The following GAK variants were observed in gnomAD, a reference collection of about 807,000 sequenced individuals.
GAK encodes the protein cyclin G associated kinase.
Under a neutral mutation model 143.9 loss-of-function variants are expected in GAK, and 79 were observed. The ratio of observed to expected loss-of-function variants is 0.55; its 90% CI spans 0.46 to 0.66. The LOEUF (loss-of-function observed/expected upper bound fraction) is 0.66. GAK is among the 30% of genes least tolerant of loss of function. GAK has a pLI of 0.00. For missense variants in GAK, 1,693 were observed against 1,779.7 expected, an observed-to-expected ratio of 0.95 and a Z score of 0.88; for synonymous variants, 881 against 765.5, an observed-to-expected ratio of 1.15 and a Z score of -2.49.
Position 890,254 on chromosome 4 carries a change from C to A in GAK, c.1081+278G>T, listed in dbSNP as rs1030290212. 1.3e-4 allele frequency among the ~76,000 whole-genome samples: 20 copies of A among 152,332 alleles called. 4 individuals are homozygous for A. The highest frequency in any genetic ancestry group is 1.9e-4 in the East Asian group (1 of 5,174). On this transcript the variant is annotated intron_variant, in intron 10 of 27. Coordinates refer to ENST00000314167, the MANE Select transcript of GAK (RefSeq NM_005255.4). ...CCGCCTGGTCACTCGGGCCCGGTCTCCTGGGCCCTGCCCTGGAGCCTCTTC... is the reference window on the plus strand; with the variant it reads ...CCGCCTGGTCACTCGGGCCCGGTCTACTGGGCCCTGCCCTGGAGCCTCTTC...
At chr4:888,540 T>G in intron 11 of GAK, 11 of 338,564 alleles carry the variant, frequency 3.2e-5, no homozygotes, top group South Asian at 8.3e-5. Context: ...ATTTACAGAG[T>G]CCCGGGAACA....
chr4:884,235 G>A (rs559634117), intron 11 of GAK, 149 bp from the exon 12 acceptor site: 19 of 642,270 alleles, frequency 3.0e-5, no homozygotes, highest in Non-Finnish European at 4.7e-5. Flanking sequence ...GTGCACAGGC[G>A]TGTGGGCAGC....
intron 3 of GAK, chr4:912,008 C>T: frequency 2.0e-6 from 1 of 507,652 alleles, no homozygotes; most frequent in Non-Finnish European, 3.8e-6. Context: ...GGGACAAAGG[C>T]AGGCACACCG....
chr4:849,595 G>T lies in GAK; in HGVS notation c.*78C>A, dbSNP rs1366360383. ...GGCCACACCTGCTGTCGCCCACGGG[G>T]TCCTCACGGTGGGGACCCAGGTCCC... On this transcript the variant is annotated 3_prime_UTR_variant, in exon 28 of 28. Coordinates refer to ENST00000314167, the MANE Select transcript of GAK (RefSeq NM_005255.4). 6 of 1,153,012 alleles carry T rather than the reference G, an allele frequency of 5.2e-6. No homozygotes were observed. Among genetic ancestry groups the T allele is most frequent in the Non-Finnish European group, 6.4e-6 (5 of 782,430 alleles). The allele number at this position is 1,153,012 out of a possible 1,614,324, so 71.4% of individuals were successfully genotyped here.
At chr4:882,407 C>T (rs1458339032) in intron 14 of GAK, among the ~76,000 whole-genome samples, 2 of 152,148 alleles carry the variant, frequency 1.3e-5, no homozygotes, top group Non-Finnish European at 2.9e-5. Flanking sequence ...CTGGAAGTGA[C>T]TCTTAGGTGG....
chr4:926,203 G>A (rs889792550), intron 1 of GAK, among the ~76,000 whole-genome samples: 2 of 152,142 alleles, frequency 1.3e-5, no homozygotes, highest in Non-Finnish European at 2.9e-5. Context: ...CCACCCATGG[G>A]GTCCTCCCCA....
At chr4:909,495 T>C (rs1437763159) in intron 4 of GAK, among the ~76,000 whole-genome samples, 6 of 151,788 alleles carry the variant, frequency 4.0e-5, no homozygotes, top group Non-Finnish European at 5.9e-5. Context: ...CAGCACGGAC[T>C]GCATGGACGC....
rs779560986 is a variant in GAK at position 877,714 on chromosome 4, G to A, written c.1757C>T (p.Pro586Leu). 8.1e-6 allele frequency: 13 copies of A among 1,613,378 alleles called. No individual in the cohort carries two copies. The highest frequency in any genetic ancestry group is 2.2e-5 in the East Asian group (1 of 44,864). Reference protein sequence around the residue: ...LVRAVVMTPVPLFSKQRSGCR... With the variant: ...LVRAVVMTPVLLFSKQRSGCR... The stretch of plus-strand genomic sequence containing the variant: ...GCCGCTCCTCTGCTTGCTGAACAGC[G>A]GCACGGGTGTCATGACCACGGCCCT... The change falls in exon 16 of 28, where the codon CCG (proline) becomes CTG (leucine). Residue 586 changes from proline to leucine, a missense_variant. Coordinates refer to ENST00000314167, the MANE Select transcript of GAK (RefSeq NM_005255.4).
At chr4:893,244 C>A (rs1017925779) in intron 9 of GAK, 133 bp downstream of exon 9, 1 of 584,400 alleles carries the variant, frequency 1.7e-6, no homozygotes, top group South Asian at 2.8e-5. Flanking sequence ...TTAGGGTTCA[C>A]GTGTGCCTCC....
chr4:869,614 GC>G lies in GAK; in HGVS notation c.2249-930del, dbSNP rs1197186190. The G allele has an allele frequency of 1.7e-4, 13 of 74,832 alleles. 2 individuals carry two copies. The highest frequency in any genetic ancestry group is 7.3e-4 in the African/African-American group (13 of 17,724). The allele number at this position is 74,832 out of a possible 1,614,324, so 4.6% of individuals were successfully genotyped here. A position where few individuals can be genotyped will look rare whatever the true frequency, so the allele number is the denominator to read the frequency against. ...ATGCACACACAGCACATACACACAT[GC>G]AGGGTACACATGAATGCACACACAC... On this transcript the variant is annotated intron_variant, in intron 19 of 27. Transcript: ENST00000314167.
At chr4:883,490 C>A (rs762788025) in intron 12 of GAK, 27 bp from the exon 13 acceptor site, 5 of 1,611,206 alleles carry the variant, frequency 3.1e-6, no homozygotes, top group South Asian at 1.1e-5. Context: ...TGCGTCAGCA[C>A]CTGGGAGATG....
intron 4 of GAK, among the ~76,000 whole-genome samples, chr4:907,465 C>CA (rs1211965308): frequency 6.6e-6 from 1 of 152,228 alleles, no homozygotes; most frequent in African/African-American, 2.4e-5. Context: ...CCCGGGGAGT[C>CA]AGAGTGGGGG....
chr4:899,146 C>A (rs971169909), intron 5 of GAK, among the ~76,000 whole-genome samples: 1 of 152,190 alleles, frequency 6.6e-6, no homozygotes, highest in Non-Finnish European at 1.5e-5. Flanking sequence ...CCATGTGGAA[C>A]GAAAGGAGAA....
chr4:875,519 C>T lies in GAK; in HGVS notation c.2054+1011G>A, dbSNP rs187506674. ...TCCCCGTGGGGCTGGCCCAAGGCTT[C>T]CCTTTGTTTACTGGGTAGGAACCAA... is the stretch of plus-strand genomic sequence containing the variant. On this transcript the variant is annotated intron_variant, in intron 18 of 27. Coordinates refer to ENST00000314167, the MANE Select transcript of GAK (RefSeq NM_005255.4). Among the ~76,000 whole-genome samples, 456 of 152,358 alleles carry T rather than the reference C, an allele frequency of 3.0e-3. 4 individuals are homozygous for T. Among genetic ancestry groups the T allele is most frequent in the Non-Finnish European group, 4.8e-3 (328 of 68,036 alleles).
chr4:854,118 C>CT (rs573575985), intron 24 of GAK, among the ~76,000 whole-genome samples: 148 of 139,264 alleles, frequency 1.1e-3, no homozygotes, highest in East Asian at 1.4e-3. Flanking sequence ...CATTTTCTTT[C>CT]TTTTTTTTTT....
At chr4:885,632 G>T (rs1716173553) in intron 11 of GAK, among the ~76,000 whole-genome samples, 1 of 152,220 alleles carries the variant, frequency 6.6e-6, no homozygotes. Context: ...CCCAGACACA[G>T]GGCTCAGGCC....
chr4:887,599 G>T (rs1180821507), intron 11 of GAK: 2 of 141,292 alleles, frequency 1.4e-5, no homozygotes, highest in African/African-American at 5.8e-5. Flanking sequence ...CATGCACGCG[G>T]CTCATACAGG....
intron 9 of GAK, among the ~76,000 whole-genome samples, chr4:890,946 A>AT (rs35262185): frequency 0.084 from 11,134 of 131,948 alleles, 607 homozygotes; most frequent in African/African-American, 0.16. Context: ...TCCAACCAAC[A>AT]TTTTTTTTTT....
chr4:903,258 C>T (rs1040436800), intron 5 of GAK, among the ~76,000 whole-genome samples: 2 of 151,534 alleles, frequency 1.3e-5, no homozygotes, highest in African/African-American at 4.9e-5. Flanking sequence ...TGGCTCATGC[C>T]CACATCACGC....
Sources: allele counts gnomAD v4.1 joint callset (sites outside exome capture counted in the v4.1 genomes callset), GRCh38; gene constraint gnomAD v4.1.1; transcripts MANE v1.5; gene names NCBI Gene and HGNC (gene_info 2026-07-23, HGNC 2026-07-21).